Variants in LRIG2 observed in about 807,000 individuals in gnomAD.
The protein encoded by LRIG2 is leucine rich repeats and immunoglobulin like domains 2, also known as leucine-rich repeats and immunoglobulin-like domains protein 2.
A neutral mutation model predicts 107.8 loss-of-function variants in LRIG2; 93 were observed. The ratio of observed to expected loss-of-function variants is 0.86; its 90% confidence interval spans 0.73 to 1.03. LRIG2 has a LOEUF of 1.03. LRIG2 is among the 50% of genes least tolerant of loss of function. The probability of loss-of-function intolerance (pLI) is 0.00; values close to 1 mark genes in which losing one functional copy is unlikely to be tolerated. For synonymous variants in LRIG2, 471 were observed against 470.6 expected (o/e 1.00, Z -0.01); for missense variants, 1,226 against 1,296.0 (o/e 0.95, Z 0.83).
chr1:113,098,739 G>A lies in LRIG2; in HGVS notation c.1126G>A (p.Glu376Lys). The change falls in exon 9 of 18, where the codon GAA (glutamate) becomes AAA (lysine). Residue 376 changes from glutamate (E) to lysine (K), a missense_variant. Glu to Lys is a moderately conservative substitution (Grantham distance 56, BLOSUM62 1). Coordinates refer to ENST00000361127, the MANE Select transcript of LRIG2 (RefSeq NM_014813.3). ...LRNNEISWAI[E>K]DASEAFAGLT... Reference sequence around the variant, plus strand: ...AAACAATGAAATTTCATGGGCCATAGAAGATGCTAGTGAAGCCTTTGCTGG... The same window carrying A: ...AAACAATGAAATTTCATGGGCCATAAAAGATGCTAGTGAAGCCTTTGCTGG... 1.2e-6 allele frequency: 2 copies of A among 1,613,062 alleles called. No homozygotes were observed. The highest frequency in any genetic ancestry group is 1.1e-5 in the South Asian group (1 of 91,056).
chr1:113,074,563 A>T (rs1301086596), intron 1 of LRIG2, among the ~76,000 whole-genome samples: 1 of 152,142 alleles, frequency 6.6e-6, no homozygotes, highest in African/African-American at 2.4e-5. Flanking sequence ...CTCGTCACTA[A>T]CTGAGCAGCA....
chr1:113,100,421 G>T lies in LRIG2; in HGVS notation c.1246G>T (p.Asp416Tyr). 1.3e-6 allele frequency: 2 copies of T among 1,525,962 alleles called. No homozygotes were observed. The highest frequency in any genetic ancestry group is 9.1e-7 in the Non-Finnish European group (1 of 1,104,962). The allele number at this position is 1,525,962 out of a possible 1,614,324, so 94.5% of individuals were successfully genotyped here. The change falls in exon 11 of 18, where the codon GAT (aspartate) becomes TAT (tyrosine). Residue 416 changes from aspartate to tyrosine, a missense_variant and splice_region_variant. By Grantham distance (160) the Asp-to-Tyr change is radical (BLOSUM62 -3). Coordinates refer to ENST00000361127, the MANE Select transcript of LRIG2 (RefSeq NM_014813.3). ...FIGLESLEHL[D>Y]LNNNAIMSIQ... ...ATGTTTCATTTCTCTTTATTTCAGAGATTTGAACAATAATGCTATAATGTC... is the reference window on the plus strand; with the variant it reads ...ATGTTTCATTTCTCTTTATTTCAGATATTTGAACAATAATGCTATAATGTC...
At chr1:113,113,809 C>T (rs1280297629) in intron 14 of LRIG2, among the ~76,000 whole-genome samples, 1 of 151,926 alleles carries the variant, frequency 6.6e-6, no homozygotes, top group Admixed American at 6.6e-5. Context: ...GATCCGCCTG[C>T]CTCAGCCTTA....
At chr1:113,093,110 C>T in intron 2 of LRIG2, 96 bp from the exon 3 acceptor site, 2 of 699,702 alleles carry the variant, frequency 2.9e-6, no homozygotes, top group Non-Finnish European at 4.9e-6. Context: ...TCAAATTTGG[C>T]ACCTATTCTA....
At chr1:113,113,515 A>G (rs1654862142) in intron 14 of LRIG2, among the ~76,000 whole-genome samples, 1 of 147,978 alleles carries the variant, frequency 6.8e-6, no homozygotes, top group Non-Finnish European at 1.5e-5. Context: ...TATAACCAGA[A>G]AAATAAGAAG....
At chr1:113,098,672 A>G (rs1290421818) in intron 8 of LRIG2, 33 bp from the exon 9 acceptor site, 1 of 1,317,498 alleles carries the variant, frequency 7.6e-7, no homozygotes, top group East Asian at 2.3e-5. Context: ...TGTATTGACT[A>G]ATAGCACCTG....
chr1:113,112,674 T>A lies in LRIG2; in HGVS notation c.1994T>A (p.Val665Glu). Residue 665 changes from valine (V) to glutamate (E), a missense_variant, in exon 14 of 18, where the codon GTG (valine) becomes GAG (glutamate). Physicochemically the swap from Val to Glu is moderately radical, Grantham distance 121. This residue lies in a region of LRIG2 where 642 missense variants were observed against 712.2 expected (regional missense o/e 0.90). Transcript: ENST00000361127. ...GATGACGTCTTCTTTATTGCCAATG[T>A]GAAAATAGAAGATATGGGAATCTAT... ...PEDDVFFIANVKIEDMGIYSC... is the reference protein window; with the variant it reads ...PEDDVFFIANEKIEDMGIYSC... 1 of 1,614,018 alleles carries A rather than the reference T, an allele frequency of 6.2e-7. No individual in the cohort carries two copies. Among genetic ancestry groups the A allele is most frequent in the Non-Finnish European group, 8.5e-7 (1 of 1,179,956 alleles).
chr1:113,096,026 T>C lies in LRIG2; in HGVS notation c.947+9T>C. 1.9e-6 allele frequency: 3 copies of C among 1,614,086 alleles called. No homozygotes were observed. Among genetic ancestry groups the C allele is most frequent in the Non-Finnish European group, 2.5e-6 (3 of 1,179,944 alleles). On this transcript the variant is annotated intron_variant, in intron 7 of 17. Coordinates refer to ENST00000361127, the MANE Select transcript of LRIG2 (RefSeq NM_014813.3). The stretch of plus-strand genomic sequence containing the variant: ...CAAAGACTATCCGAACTGTAAGTGT[T>C]GGATAGCATTTCACTGGAGGCAGTT...
At chr1:113,096,502 G>A (rs1376762285) in intron 8 of LRIG2, 137 bp downstream of exon 8, 2 of 861,740 alleles carry the variant, frequency 2.3e-6, no homozygotes, top group African/African-American at 1.7e-5. Context: ...ATGCCTCAGA[G>A]CAAGGCAGTC....
intron 1 of LRIG2, among the ~76,000 whole-genome samples, chr1:113,082,717 G>C (rs572535993): frequency 1.3e-5 from 2 of 150,718 alleles, no homozygotes; most frequent in African/African-American, 4.9e-5. Flanking sequence ...GCAGTGGTGA[G>C]ATCTCAGCTC....
chr1:113,083,892 T>C (rs964915876), intron 1 of LRIG2, among the ~76,000 whole-genome samples: 3 of 147,414 alleles, frequency 2.0e-5, no homozygotes, highest in African/African-American at 7.4e-5. Context: ...TTAGGAGATA[T>C]ACCTAATGTA....
rs1245080491 is a variant in LRIG2, at chr1:113,130,683, C to T, written c.*6582C>T. 1 of 152,164 alleles carries T rather than the reference C, an allele frequency of 6.6e-6. No individual in the cohort carries two copies. The allele number at this position is 152,164 out of a possible 1,614,324, so 9.4% of individuals were successfully genotyped here. A position where few individuals can be genotyped will look rare whatever the true frequency, so the allele number is the denominator to read the frequency against. On this transcript the variant is annotated 3_prime_UTR_variant, in exon 18 of 18. Transcript: ENST00000361127. ...TTTTATCATTGGAAATCCCCAGAAG[C>T]AATCTGATAGTCTTAAAACTTTGTC...
chr1:113,105,869 T>C (rs1400298227), intron 11 of LRIG2, among the ~76,000 whole-genome samples: 1 of 152,252 alleles, frequency 6.6e-6, no homozygotes, highest in Non-Finnish European at 1.5e-5. Flanking sequence ...CCAGTGCCCC[T>C]CTTGTTTAAT....
rs185721377 is a variant in LRIG2 at position 113,115,370 on chromosome 1, G to A, written c.2530+494G>A. Among the ~76,000 whole-genome samples, 91 of 151,884 alleles carry A rather than the reference G, an allele frequency of 6.0e-4. 1 individual carries two copies. In the East Asian group the frequency reaches 7.6e-3, roughly 13 times the overall value. ...GCGGGGACTATAGGCATGTGCCACC[G>A]CGCCTAAGTTTTTATATTTTTAGTA... On this transcript the variant is annotated intron_variant, in intron 15 of 17. Coordinates refer to ENST00000361127, the MANE Select transcript of LRIG2 (RefSeq NM_014813.3).
chr1:113,114,860 T>C lies in LRIG2; in HGVS notation c.2514T>C (p.Tyr838=), dbSNP rs1479083853. 4 of 1,609,254 alleles carry C rather than the reference T, an allele frequency of 2.5e-6. No individual in the cohort carries two copies. Among genetic ancestry groups the C allele is most frequent in the South Asian group, 1.1e-5 (1 of 90,864 alleles). The change falls in exon 15 of 18, where the codon TAT becomes TAC. Residue 838 remains tyrosine, a synonymous_variant. Transcript: ENST00000361127. ...ACATGAGAAGGAAAAATGAAGACTA[T>C]AGTATCACAAACACAGGTAAGTAGT... ...IYHMRRKNED[Y]SITNTEELNL...
In LRIG2 at chr1:113,108,615, A is replaced by G. The variant is rs948296098; in HGVS notation, c.1477+858A>G. The stretch of plus-strand genomic sequence containing the variant: ...CTTTAGGCCGGGCACTGTGGCTCAC[A>G]CCTGTAATCCCAGCACTTTGGGAGG... On this transcript the variant is annotated intron_variant, in intron 12 of 17. Transcript: ENST00000361127. 4.7e-5 allele frequency among the ~76,000 whole-genome samples: 7 copies of G among 150,114 alleles called. No individual in the cohort carries two copies. The East Asian group carries it at 1.0e-3, about 22-fold the overall frequency.
intron 1 of LRIG2, among the ~76,000 whole-genome samples, chr1:113,081,601 G>C (rs1653289292): frequency 1.3e-5 from 2 of 151,920 alleles, no homozygotes; most frequent in Admixed American, 1.3e-4. Context: ...GCTCAGTGCA[G>C]CCTCTGTCTC....
intron 1 of LRIG2, among the ~76,000 whole-genome samples, chr1:113,088,230 A>G (rs1371002952): frequency 1.3e-5 from 2 of 152,118 alleles, no homozygotes; most frequent in Non-Finnish European, 2.9e-5. Flanking sequence ...GAAAGCATAT[A>G]TCCTTTCAAC....
intron 8 of LRIG2, among the ~76,000 whole-genome samples, 198 bp from the exon 9 acceptor site, chr1:113,098,507 G>A (rs773301261): frequency 6.6e-6 from 1 of 151,874 alleles, no homozygotes; most frequent in African/African-American, 2.4e-5. Flanking sequence ...CAGTTCTTAC[G>A]TGTTTATTAC....
Sources: gnomAD v4.1 joint callset for allele counts (sites outside exome capture counted in the v4.1 genomes callset) on GRCh38, gnomAD v4.1.1 for gene constraint, gnomAD v4.1.1 regional missense constraint, MANE v1.5 for transcripts, NCBI Gene and HGNC (gene_info 2026-07-23, HGNC 2026-07-21) for gene names.